PIP5K1B: variants seen among roughly 807,000 people sequenced by gnomAD.
PIP5K1B encodes the protein phosphatidylinositol-4-phosphate 5-kinase type 1 beta, also known as phosphatidylinositol 4-phosphate 5-kinase type-1 beta.
A neutral mutation model predicts 67.0 loss-of-function variants in PIP5K1B; 42 were observed. That is an observed-to-expected ratio of 0.63 (90% CI 0.49 to 0.81). The LOEUF (loss-of-function observed/expected upper bound fraction) is 0.81, where lower values mean the gene tolerates loss of function less well. Ranked by LOEUF, PIP5K1B falls within the 30% of genes least tolerant of loss-of-function variation. The pLI is 0.00. For missense variants in PIP5K1B, 459 were observed against 646.3 expected (o/e 0.71, Z 3.14); for synonymous variants, 214 against 231.4 (o/e 0.92, Z 0.68).
rs11349016 is a variant in PIP5K1B at position 68,889,734 on chromosome 9, C to CAA, written c.471+620_471+621dup. Among the ~76,000 whole-genome samples the CAA allele has an allele frequency of 1.2e-3, 96 of 79,662 alleles. 1 individual carries two copies. In the Middle Eastern group the frequency reaches 0.021, roughly 17 times the overall value. 52.3% of individuals were successfully genotyped at this position (79,662 alleles called of 152,430 possible). ...TGGGCGACAGAGCGAGACTCCTTCT[C>CAA]AAAAAAAAAAAAAAAAAAAAGCTGG... is the stretch of plus-strand genomic sequence containing the variant. On this transcript the variant is annotated intron_variant, in intron 7 of 15. Coordinates refer to ENST00000265382, the MANE Select transcript of PIP5K1B (RefSeq NM_003558.4).
intron 5 of PIP5K1B, among the ~76,000 whole-genome samples, chr9:68,864,597 G>C (rs982748102): frequency 2.0e-5 from 3 of 152,156 alleles, no homozygotes; most frequent in Admixed American, 6.5e-5. Context: ...ATGTATTAAT[G>C]CCACAAAACT....
intron 8 of PIP5K1B, among the ~76,000 whole-genome samples, chr9:68,902,981 C>T (rs1378929287): frequency 6.6e-6 from 1 of 152,182 alleles, no homozygotes; most frequent in Non-Finnish European, 1.5e-5. Flanking sequence ...GACTATGCAA[C>T]TGACAAGATT....
chr9:68,887,702 G>GCA (rs1439124692), intron 6 of PIP5K1B, among the ~76,000 whole-genome samples: 2 of 152,196 alleles, frequency 1.3e-5, no homozygotes, highest in Non-Finnish European at 2.9e-5. Flanking sequence ...AACAATCCAG[G>GCA]CATGAAATGA....
intron 1 of PIP5K1B, chr9:68,739,880 C>CT (rs1204536218): frequency 6.6e-6 from 1 of 152,292 alleles, no homozygotes; most frequent in African/African-American, 2.4e-5. Flanking sequence ...TGCACGCTGT[C>CT]TGCCAGCCAC....
At chr9:68,772,851 G>A (rs1830732003) in intron 2 of PIP5K1B, among the ~76,000 whole-genome samples, 1 of 152,146 alleles carries the variant, frequency 6.6e-6, no homozygotes, top group Non-Finnish European at 1.5e-5. Flanking sequence ...TGGAAAACGG[G>A]TAGGATCATT....
At chr9:68,857,926 C>T (rs1202806381) in intron 4 of PIP5K1B, among the ~76,000 whole-genome samples, 1 of 151,374 alleles carries the variant, frequency 6.6e-6, no homozygotes, top group Non-Finnish European at 1.5e-5. Context: ...TCTCCCTTCC[C>T]ATACACCCAT....
At chr9:68,957,720 C>T (rs866880097) in intron 14 of PIP5K1B, among the ~76,000 whole-genome samples, 17 of 152,134 alleles carry the variant, frequency 1.1e-4, no homozygotes, top group South Asian at 2.1e-4. Flanking sequence ...AAGTATATTT[C>T]CTTCCTCCAG....
chr9:68,914,586 G>A (rs1317463074), intron 8 of PIP5K1B, among the ~76,000 whole-genome samples: 1 of 152,090 alleles, frequency 6.6e-6, no homozygotes, highest in Non-Finnish European at 1.5e-5. Flanking sequence ...GTGGTGGCAG[G>A]CGCCTGTAGT....
In PIP5K1B at chr9:68,984,925, A is replaced by G. The variant is rs148844796; in HGVS notation, c.1503-6215A>G. Among the ~76,000 whole-genome samples the G allele has an allele frequency of 1.2e-3, 183 of 152,352 alleles. 1 individual carries two copies. The highest frequency in any genetic ancestry group is 2.1e-3 in the Non-Finnish European group (140 of 68,036). ...AGGGTAGTTAATTGGAAAAGAGTTC[A>G]GATCCTAACTCTGTTTAGGGACCAT... is the stretch of plus-strand genomic sequence containing the variant. On this transcript the variant is annotated intron_variant, in intron 14 of 15. Coordinates refer to ENST00000265382, the MANE Select transcript of PIP5K1B (RefSeq NM_003558.4).
intron 15 of PIP5K1B, among the ~76,000 whole-genome samples, chr9:69,002,680 T>C (rs1222823251): frequency 1.3e-5 from 2 of 152,176 alleles, no homozygotes; most frequent in African/African-American, 4.8e-5. Flanking sequence ...TGATACCTTG[T>C]GTTTAAAACT....
At chr9:68,781,103 C>A in intron 2 of PIP5K1B, 1 of 1,506,834 alleles carries the variant, frequency 6.6e-7, no homozygotes, top group Non-Finnish European at 8.9e-7. Context: ...TGAACTTTGT[C>A]AATTAATTTG....
intron 14 of PIP5K1B, among the ~76,000 whole-genome samples, chr9:68,989,191 C>T (rs1830249108): frequency 6.9e-6 from 1 of 144,998 alleles, no homozygotes; most frequent in African/African-American, 2.6e-5. Context: ...TTTCACATAT[C>T]TTCAATTAAT....
Position 68,806,571 on chromosome 9 carries a change from TCCCAGGGCCATCTAG to T in PIP5K1B, c.-85-11886_-85-11872del, listed in dbSNP as rs1832881872. ...TTAATTTGTCACATTCATGGCTGTC[TCCCAGGGCCATCTAG>T]CCCGCCGCTAATCATCCTCTTCCCT... On this transcript the variant is annotated intron_variant, in intron 2 of 15. Coordinates refer to ENST00000265382, the MANE Select transcript of PIP5K1B (RefSeq NM_003558.4). 3.3e-5 allele frequency among the ~76,000 whole-genome samples: 5 copies of T among 152,214 alleles called. No individual in the cohort carries two copies. The South Asian group carries it at 1.0e-3, about 31-fold the overall frequency.
At chr9:68,991,540 C>T (rs772416367) in intron 15 of PIP5K1B, among the ~76,000 whole-genome samples, 5 of 152,178 alleles carry the variant, frequency 3.3e-5, no homozygotes, top group Admixed American at 6.5e-5. Flanking sequence ...TTATTCCCAG[C>T]GAGGAAATGT....
intron 5 of PIP5K1B, among the ~76,000 whole-genome samples, chr9:68,864,246 T>G (rs1823251740): frequency 6.6e-6 from 1 of 152,168 alleles, no homozygotes; most frequent in African/African-American, 2.4e-5. Context: ...GATTTTGAGG[T>G]TCAGTGGGAA....
chr9:68,970,131 CAACTCTG>C (rs1372105612), intron 14 of PIP5K1B, among the ~76,000 whole-genome samples: 1 of 152,208 alleles, frequency 6.6e-6, no homozygotes, highest in African/African-American at 2.4e-5. Context: ...TCTAGTTCCT[CAACTCTG>C]AATCCAGTGA....
At chr9:69,001,726 CT>C (rs1380265046) in intron 15 of PIP5K1B, among the ~76,000 whole-genome samples, 2 of 152,114 alleles carry the variant, frequency 1.3e-5, no homozygotes. Context: ...CACCAGACCA[CT>C]CCCCCAACAC....
At chr9:68,957,274 AGGCTTTTTATG>A (rs1239194389) in intron 14 of PIP5K1B, among the ~76,000 whole-genome samples, 3 of 151,852 alleles carry the variant, frequency 2.0e-5, no homozygotes, top group Non-Finnish European at 4.4e-5. Flanking sequence ...CCTCATTGCA[AGGCTTTTTATG>A]GGGGAGGTTG....
intron 2 of PIP5K1B, among the ~76,000 whole-genome samples, chr9:68,792,754 C>T (rs548026794): frequency 4.6e-5 from 7 of 152,302 alleles, no homozygotes; most frequent in Non-Finnish European, 7.4e-5. Flanking sequence ...GCTGGGATTA[C>T]AGGCGTGAGC....
Sources: gnomAD v4.1 joint callset for allele counts (sites outside exome capture counted in the v4.1 genomes callset) on GRCh38, gnomAD v4.1.1 for gene constraint, MANE v1.5 for transcripts, NCBI Gene and HGNC (gene_info 2026-07-23, HGNC 2026-07-21) for gene names.